The following CHKA variants were observed in gnomAD, a reference collection of about 807,000 sequenced individuals.
CHKA encodes the protein CHETK-alpha.
Under a neutral mutation model 60.1 loss-of-function variants are expected in CHKA, and 34 were observed. That is an observed-to-expected ratio of 0.57 (90% CI 0.43 to 0.75). The LOEUF is 0.75. CHKA is among the 30% of genes least tolerant of loss of function. The probability of loss-of-function intolerance (pLI) is 0.00; values close to 1 mark genes in which losing one functional copy is unlikely to be tolerated. For missense variants in CHKA, 563 were observed against 561.3 expected (o/e 1.00, Z -0.03); for synonymous variants, 217 against 223.1 (o/e 0.97, Z 0.24).
At chr11:68,102,144 T>C (rs1443913032) in intron 1 of CHKA, among the ~76,000 whole-genome samples, 1 of 148,776 alleles carries the variant, frequency 6.7e-6, no homozygotes, top group Non-Finnish European at 1.5e-5. Flanking sequence ...CCCAAAGCAA[T>C]CTATACATTC....
chr11:68,054,192 CTGCTCGGGGGCCTCGCTGCT>C (rs1250949093), intron 11 of CHKA, 145 bp from the exon 12 acceptor site: 72 of 661,674 alleles, frequency 1.1e-4, no homozygotes, highest in Middle Eastern at 1.1e-3. Context: ...TGCAGCAGGG[CTGCTCGGGGGCCTCGCTGCT>C]CTACAGGTGC....
intron 6 of CHKA, 92 bp from the exon 7 acceptor site, chr11:68,069,029 C>A: frequency 1.1e-6 from 1 of 912,104 alleles, no homozygotes; most frequent in Non-Finnish European, 1.7e-6. Flanking sequence ...CAAATTCGTG[C>A]TCCAAAGCAA....
intron 1 of CHKA, among the ~76,000 whole-genome samples, chr11:68,114,034 G>A (rs1221700864): frequency 3.3e-5 from 5 of 151,840 alleles, no homozygotes; most frequent in South Asian, 2.1e-4. Context: ...ACCATTATAC[G>A]CCTACCAGAA....
At chr11:68,091,566 T>C (rs776770602) in intron 2 of CHKA, among the ~76,000 whole-genome samples, 3 of 152,202 alleles carry the variant, frequency 2.0e-5, no homozygotes, top group Non-Finnish European at 4.4e-5. Context: ...CGTCTCATCT[T>C]AGATAGAAAT....
At position 68,070,820 on chromosome 11, in the gene CHKA, T is replaced by G; in HGVS notation, c.668A>C (p.Asp223Ala). Residue 223 changes from aspartate to alanine, a missense_variant, in exon 5 of 12, where the codon GAT (aspartate) becomes GCT (alanine). By Grantham distance (126) the Asp-to-Ala change is moderately radical. Transcript: ENST00000265689. The part of the protein sequence containing the change: ...RLDTEELSLP[D>A]ISAEIAEKMA... ...TTTCTCGGCGATTTCTGCAGAAATA[T>G]CTGGCAAACTTAATTCTTCAGTATC... 6.2e-7 allele frequency: 1 copy of G among 1,613,036 alleles called. No homozygotes were observed. The highest frequency in any genetic ancestry group is 8.5e-7 in the Non-Finnish European group (1 of 1,179,074).
rs1855857268 is a variant in CHKA at position 68,053,114 on chromosome 11, G to A, written c.*874C>T. 6.6e-6 allele frequency: 1 copy of A among 152,482 alleles called. No individual in the cohort carries two copies. 9.4% of individuals were successfully genotyped at this position (152,482 alleles called of 1,614,324 possible). A position where few individuals can be genotyped will look rare whatever the true frequency, so the allele number is the denominator to read the frequency against. On this transcript the variant is annotated 3_prime_UTR_variant, in exon 12 of 12. Coordinates refer to ENST00000265689, the MANE Select transcript of CHKA (RefSeq NM_001277.3). ...AGGGCCGGGAAACCGGGCCCTTGGA[G>A]AACCCTGCCCAGGGGAGGCCCAGCC...
intron 2 of CHKA, among the ~76,000 whole-genome samples, chr11:68,091,857 G>A (rs1022917680): frequency 6.6e-6 from 1 of 152,184 alleles, no homozygotes; most frequent in African/African-American, 2.4e-5. Context: ...GATTCTCACA[G>A]AGGTAAAATG....
chr11:68,095,851 G>C (rs1162255849), intron 2 of CHKA, among the ~76,000 whole-genome samples: 2 of 151,284 alleles, frequency 1.3e-5, no homozygotes, highest in African/African-American at 4.9e-5. Context: ...AGACCAGCCT[G>C]GCCAACATGG....
intron 11 of CHKA, 98 bp downstream of exon 11, chr11:68,061,855 T>C (rs762505819): frequency 1.1e-6 from 1 of 880,318 alleles, no homozygotes. Context: ...GAACCCTCTG[T>C]AAGGAACAGT....
chr11:68,120,905 G>A lies in CHKA; in HGVS notation c.273C>T (p.Ala91=), dbSNP rs772640018. 2.4e-6 allele frequency: 3 copies of A among 1,245,428 alleles called. No homozygotes were observed. The highest frequency in any genetic ancestry group is 6.3e-5 in the Admixed American group (2 of 31,920). The allele number at this position is 1,245,428 out of a possible 1,614,324, so 77.1% of individuals were successfully genotyped here. A position where few individuals can be genotyped will look rare whatever the true frequency, so the allele number is the denominator to read the frequency against. The change falls in exon 1 of 12, where the codon GCC becomes GCT. Residue 91 remains alanine, a synonymous_variant. Coordinates refer to ENST00000265689, the MANE Select transcript of CHKA (RefSeq NM_001277.3). ...EQPEPRTRRR[A]YLWCKEFLPG... The stretch of plus-strand genomic sequence containing the variant: ...GCAGGAACTCCTTGCACCACAGATA[G>A]GCCCTGCGCCGCGTCCGGGGCTCCG...
At chr11:68,055,975 A>G (rs1247257510) in intron 11 of CHKA, among the ~76,000 whole-genome samples, 6 of 151,936 alleles carry the variant, frequency 3.9e-5, no homozygotes, top group African/African-American at 1.5e-4. Context: ...TTGAACCCAG[A>G]AGGCAGAGGT....
At chr11:68,095,271 C>G (rs772427611) in intron 2 of CHKA, among the ~76,000 whole-genome samples, 1 of 151,042 alleles carries the variant, frequency 6.6e-6, no homozygotes, top group African/African-American at 2.4e-5. Context: ...GGCGTGGTGG[C>G]GGACACCTGT....
intron 1 of CHKA, among the ~76,000 whole-genome samples, chr11:68,119,032 T>A (rs553658850): frequency 6.6e-6 from 1 of 152,314 alleles, no homozygotes; most frequent in South Asian, 2.1e-4. Flanking sequence ...ACTTCTCCTT[T>A]AGGTTTTCCA....
At chr11:68,063,045 T>C (rs564996827) in intron 10 of CHKA, among the ~76,000 whole-genome samples, 2 of 152,304 alleles carry the variant, frequency 1.3e-5, no homozygotes, top group East Asian at 1.9e-4. Flanking sequence ...GTCTAGACCT[T>C]TGCACAATCT....
intron 2 of CHKA, among the ~76,000 whole-genome samples, chr11:68,089,008 G>A (rs1169730293): frequency 6.6e-6 from 1 of 152,210 alleles, no homozygotes; most frequent in Admixed American, 6.5e-5. Context: ...AGTCTCTAGA[G>A]TGTCTTCAAT....
intron 3 of CHKA, 111 bp downstream of exon 3, chr11:68,081,293 G>T: frequency 1.2e-6 from 1 of 801,686 alleles, no homozygotes; most frequent in Non-Finnish European, 2.1e-6. Flanking sequence ...TAGAAAGATA[G>T]ATCAGGATTT....
intron 1 of CHKA, among the ~76,000 whole-genome samples, chr11:68,118,450 A>C (rs1327596224): frequency 1.3e-5 from 2 of 152,136 alleles, no homozygotes; most frequent in African/African-American, 2.4e-5. Context: ...CCAAAAAAAA[A>C]CCAAAAACCA....
chr11:68,113,547 T>C (rs1858260668), intron 1 of CHKA, among the ~76,000 whole-genome samples: 1 of 150,868 alleles, frequency 6.6e-6, no homozygotes, highest in African/African-American at 2.4e-5. Context: ...ATACAAAAAA[T>C]TAGCCGGGCA....
Position 68,070,181 on chromosome 11 carries a change from A to G in CHKA, c.869+8T>C. ...TATTTAAAGTCAGGAAATAGAAGGA[A>G]AACTCACCTCAGGTTTTCCAGTTCC... On this transcript the variant is annotated splice_region_variant and intron_variant, in intron 6 of 11. Transcript: ENST00000265689. The G allele has an allele frequency of 6.3e-7, 1 of 1,596,932 alleles. No individual in the cohort carries two copies.
Sources: allele counts gnomAD v4.1 joint callset (sites outside exome capture counted in the v4.1 genomes callset), GRCh38; gene constraint gnomAD v4.1.1; transcripts MANE v1.5; gene names NCBI Gene and HGNC (gene_info 2026-07-23, HGNC 2026-07-21).